The following CCDC39 variants were observed in gnomAD, a reference collection of about 807,000 sequenced individuals.
The protein encoded by CCDC39 is coiled-coil domain-containing protein 39.
A neutral mutation model predicts 121.0 loss-of-function variants in CCDC39; 113 were observed. That is an observed-to-expected ratio of 0.93 (90% CI 0.80 to 1.09). The LOEUF (loss-of-function observed/expected upper bound fraction) is 1.09. Among genes scored for constraint, CCDC39 ranks in the 50% least tolerant of loss-of-function variants. The pLI, the probability that CCDC39 is intolerant of heterozygous loss-of-function variation, is 0.00. For synonymous variants in CCDC39, 349 were observed against 352.2 expected (o/e 0.99, Z 0.10); for missense variants, 1,063 against 1,074.7 (o/e 0.99, Z 0.15).
intron 10 of CCDC39, 59 bp downstream of exon 10, chr3:180,648,106 C>G (rs1718115762): frequency 1.5e-6 from 2 of 1,362,444 alleles, no homozygotes; most frequent in African/African-American, 1.5e-5. Context: ...CATGGCGTAT[C>G]TTGACCATCA....
chr3:180,643,241 G>A (rs1018112385), intron 12 of CCDC39, among the ~76,000 whole-genome samples: 5 of 151,952 alleles, frequency 3.3e-5, no homozygotes, highest in African/African-American at 1.2e-4. Context: ...TTACAGGTGT[G>A]AGCCACCGTG....
rs780549716 is a variant in CCDC39 at position 180,679,247 on chromosome 3, A to G, written c.90+44T>C. On this transcript the variant is annotated intron_variant, in intron 1 of 19. Transcript: ENST00000476379. The surrounding 1 kb of genome is among the most constrained non-coding windows in gnomAD (Gnocchi z 4.0). Reference sequence around the variant, plus strand: ...TACTGCCAACCAGAAAACGCCCCCAACAGGCTCTCTCTGCTTCCTCCCGCC... The same window carrying G: ...TACTGCCAACCAGAAAACGCCCCCAGCAGGCTCTCTCTGCTTCCTCCCGCC... The G allele has an allele frequency of 2.2e-5, 33 of 1,525,016 alleles. No homozygotes were observed. Among genetic ancestry groups the G allele is most frequent in the South Asian group, 7.8e-5 (7 of 89,304 alleles). 94.5% of individuals were successfully genotyped at this position (1,525,016 alleles called of 1,614,324 possible).
At chr3:180,652,049 A>AG in intron 8 of CCDC39, 114 bp downstream of exon 8, 1 of 626,956 alleles carries the variant, frequency 1.6e-6, no homozygotes, top group African/African-American at 2.0e-5. Context: ...AAAAAAAAAA[A>AG]GTAGTAGCTA....
intron 14 of CCDC39, among the ~76,000 whole-genome samples, chr3:180,626,005 A>T (rs1010029932): frequency 6.6e-6 from 1 of 152,020 alleles, no homozygotes; most frequent in African/African-American, 2.4e-5. Context: ...TGGGCCCGAC[A>T]TGCAGGCGGG....
At position 180,679,218 on chromosome 3, in the gene CCDC39, G is replaced by T; in HGVS notation, c.90+73C>A. On this transcript the variant is annotated intron_variant, in intron 1 of 19. Transcript: ENST00000476379. This position sits in a 1 kb window ranked among gnomAD's most constrained non-coding sequence, Gnocchi z 4.0. Reference sequence around the variant, plus strand: ...AAAGGAGAGAAATAAAAGGGCTGGGGTAGTACTGCCAACCAGAAAACGCCC... The same window carrying T: ...AAAGGAGAGAAATAAAAGGGCTGGGTTAGTACTGCCAACCAGAAAACGCCC... The T allele has an allele frequency of 2.8e-6, 3 of 1,080,070 alleles. No individual in the cohort carries two copies. Among genetic ancestry groups the T allele is most frequent in the East Asian group, 2.4e-5 (1 of 42,500 alleles). The allele number at this position is 1,080,070 out of a possible 1,614,324, so 66.9% of individuals were successfully genotyped here. A position where few individuals can be genotyped will look rare whatever the true frequency, so the allele number is the denominator to read the frequency against.
chr3:180,671,269 TG>T (rs540469892), intron 1 of CCDC39, among the ~76,000 whole-genome samples: 110 of 151,206 alleles, frequency 7.3e-4, no homozygotes, highest in African/African-American at 2.6e-3. Context: ...CCCAATCACC[TG>T]GAAGTTACCA....
At chr3:180,675,105 G>A (rs907922563) in intron 1 of CCDC39, among the ~76,000 whole-genome samples, 2 of 152,050 alleles carry the variant, frequency 1.3e-5, no homozygotes, top group Admixed American at 6.6e-5. Context: ...GAATACATCT[G>A]GTCCTGGACT....
intron 3 of CCDC39, 66 bp from the exon 4 acceptor site, chr3:180,660,794 A>G (rs781319029): frequency 4.8e-6 from 7 of 1,443,482 alleles, no homozygotes; most frequent in Non-Finnish European, 6.6e-6. Context: ...AGACTAAAAT[A>G]AAACATACCT....
chr3:180,672,262 C>G (rs1306682484), intron 1 of CCDC39, among the ~76,000 whole-genome samples: 1 of 152,082 alleles, frequency 6.6e-6, no homozygotes, highest in Non-Finnish European at 1.5e-5. Flanking sequence ...AATTTTAAGC[C>G]CACTCTTGAT....
Position 180,679,267 on chromosome 3 carries a change from C to G in CCDC39, c.90+24G>C. ...CCCCAACAGGCTCTCTCTGCTTCCT[C>G]CCGCCTGCTTCAATTGATCTCACCT... On this transcript the variant is annotated intron_variant, in intron 1 of 19. Coordinates refer to ENST00000476379, the MANE Select transcript of CCDC39 (RefSeq NM_181426.2). The surrounding 1 kb of genome is among the most constrained non-coding windows in gnomAD (Gnocchi z 4.0). 6.2e-7 allele frequency: 1 copy of G among 1,602,828 alleles called. No individual in the cohort carries two copies. The highest frequency in any genetic ancestry group is 8.5e-7 in the Non-Finnish European group (1 of 1,169,726).
chr3:180,656,249 C>T (rs1295126840), intron 6 of CCDC39, among the ~76,000 whole-genome samples: 2 of 152,146 alleles, frequency 1.3e-5, no homozygotes, highest in African/African-American at 2.4e-5. Context: ...TAATCAGATG[C>T]TTTAATTCTA....
intron 1 of CCDC39, among the ~76,000 whole-genome samples, chr3:180,673,472 T>C (rs905423202): frequency 1.3e-5 from 2 of 152,230 alleles, no homozygotes; most frequent in South Asian, 4.1e-4. Context: ...AAGGCTCAGA[T>C]GCTTGTTAGT....
At chr3:180,627,274 T>A (rs1461813298) in intron 14 of CCDC39, among the ~76,000 whole-genome samples, 4 of 152,222 alleles carry the variant, frequency 2.6e-5, no homozygotes, top group African/African-American at 9.6e-5. Flanking sequence ...TTAAAAAGTT[T>A]AGCAAAAAAA....
intron 11 of CCDC39, among the ~76,000 whole-genome samples, chr3:180,645,824 G>A (rs1357663792): frequency 3.9e-5 from 6 of 152,070 alleles, no homozygotes; most frequent in Admixed American, 2.6e-4. Flanking sequence ...TAAAACCAGA[G>A]TTGGAATGGC....
At position 180,642,027 on chromosome 3, in the gene CCDC39, T is replaced by C. The variant is rs1576941595; in HGVS notation, c.1840A>G (p.Ile614Val). The C allele has an allele frequency of 6.2e-7, 1 of 1,602,932 alleles. No individual in the cohort carries two copies. Residue 614 changes from isoleucine to valine, a missense_variant, in exon 13 of 20, where the codon ATA becomes GTA. Ile to Val is a conservative substitution (Grantham distance 29). Transcript: ENST00000476379. The stretch of plus-strand genomic sequence containing the variant: ...TCCCGTTCTTGATCAACATATCTTA[T>C]TTGTGACGCAAGCATTGTTTTATGA... ...KVHKTMLASQ[I>V]RYVDQERENI...
chr3:180,631,604 AAG>A lies in CCDC39; in HGVS notation c.1875-14_1875-13del, dbSNP rs1164472199. The stretch of plus-strand genomic sequence containing the variant: ...CGCGAAACTCAGTGCTAATAAGAAA[AAG>A]AAACACTGAGAAATGAATAACATAC... On this transcript the variant is annotated splice_polypyrimidine_tract_variant and intron_variant, in intron 13 of 19. Coordinates refer to ENST00000476379, the MANE Select transcript of CCDC39 (RefSeq NM_181426.2). The A allele has an allele frequency of 1.3e-6, 2 of 1,595,934 alleles. No individual in the cohort carries two copies. Among genetic ancestry groups the A allele is most frequent in the African/African-American group, 2.7e-5 (2 of 74,454 alleles).
intron 11 of CCDC39, among the ~76,000 whole-genome samples, chr3:180,644,552 T>C (rs929444003): frequency 2.4e-4 from 37 of 152,134 alleles, no homozygotes; most frequent in Non-Finnish European, 2.5e-4. Flanking sequence ...TCCCTCAGTA[T>C]TGTCTGGGGA....
intron 1 of CCDC39, among the ~76,000 whole-genome samples, chr3:180,668,564 A>T (rs1284064266): frequency 1.3e-5 from 2 of 152,154 alleles, no homozygotes; most frequent in Non-Finnish European, 1.5e-5. Context: ...AATTCAATAC[A>T]GTTTTTCCCA....
Position 180,651,853 on chromosome 3 carries a change from C to T in CCDC39, c.1034+310G>A, listed in dbSNP as rs555943975. Among the ~76,000 whole-genome samples the T allele has an allele frequency of 2.9e-3, 438 of 152,102 alleles. 3 individuals carry two copies. The highest frequency in any genetic ancestry group is 1.0e-2 in the African/African-American group (414 of 41,512). On this transcript the variant is annotated intron_variant, in intron 8 of 19. Coordinates refer to ENST00000476379, the MANE Select transcript of CCDC39 (RefSeq NM_181426.2). ...GAGATCAAGACCATCCTGGCTAACA[C>T]GGTGAAACCCCGTCTCTAATAAAAA... is the stretch of plus-strand genomic sequence containing the variant.
Sources: gnomAD v4.1 joint callset for allele counts (sites outside exome capture counted in the v4.1 genomes callset) on GRCh38, gnomAD v4.1.1 for gene constraint, Gnocchi (gnomAD v3.1) non-coding constraint, MANE v1.5 for transcripts, NCBI Gene and HGNC (gene_info 2026-07-23, HGNC 2026-07-21) for gene names.